The following OXR1 variants were observed in gnomAD, a reference collection of about 807,000 sequenced individuals.
OXR1 encodes the protein oxidation resistance 1, also known as oxidation resistance protein 1.
OXR1 carries 41 observed loss-of-function variants against 104.6 expected under a neutral mutation model. That is an observed-to-expected ratio of 0.39 (90% CI 0.31 to 0.51). The LOEUF (loss-of-function observed/expected upper bound fraction) is 0.51. OXR1 is among the 20% of genes least tolerant of loss of function. The pLI, the probability that OXR1 is intolerant of heterozygous loss-of-function variation, is 0.77. For missense variants in OXR1, 955 were observed against 1,031.9 expected (o/e 0.93, Z 1.02); for synonymous variants, 348 against 348.4 (o/e 1.00, Z 0.01).
At chr8:106,660,811 G>A (rs1235088708) in intron 3 of OXR1, among the ~76,000 whole-genome samples, 2 of 152,078 alleles carry the variant, frequency 1.3e-5, no homozygotes, top group South Asian at 2.1e-4. Context: ...TCAGGAGTTC[G>A]AGACCAGCCT....
chr8:106,422,831 A>G (rs1818961369), intron 2 of OXR1, among the ~76,000 whole-genome samples: 1 of 152,156 alleles, frequency 6.6e-6, no homozygotes, highest in Non-Finnish European at 1.5e-5. Context: ...CATGAAAGCC[A>G]ATGCTCTTCA....
At chr8:106,719,959 C>G (rs1368228454) in intron 11 of OXR1, among the ~76,000 whole-genome samples, 1 of 152,104 alleles carries the variant, frequency 6.6e-6, no homozygotes, top group Non-Finnish European at 1.5e-5. Flanking sequence ...GCGCCCGCCA[C>G]CACGCCCGGC....
intron 2 of OXR1, among the ~76,000 whole-genome samples, chr8:106,386,073 GC>G (rs1817359127): frequency 7.4e-6 from 1 of 135,016 alleles, no homozygotes; most frequent in African/African-American, 3.9e-5. Context: ...TGAGCAGTGG[GC>G]AGCAGCAGCA....
intron 2 of OXR1, among the ~76,000 whole-genome samples, chr8:106,510,648 G>T (rs372246447): frequency 1.3e-5 from 2 of 152,016 alleles, no homozygotes. Flanking sequence ...CTTTATACTG[G>T]CCTAGCCCTT....
chr8:106,545,206 C>T (rs570842063), intron 3 of OXR1, among the ~76,000 whole-genome samples: 7 of 151,930 alleles, frequency 4.6e-5, no homozygotes, highest in South Asian at 4.2e-4. Context: ...TAGACACTGC[C>T]GTATAATACA....
At chr8:106,579,219 G>A (rs756212740) in intron 3 of OXR1, among the ~76,000 whole-genome samples, 2 of 152,036 alleles carry the variant, frequency 1.3e-5, no homozygotes, top group Non-Finnish European at 2.9e-5. Flanking sequence ...ATTTATGGCT[G>A]TAGTTGGTTG....
At chr8:106,418,076 C>T (rs544011496) in intron 2 of OXR1, among the ~76,000 whole-genome samples, 1 of 152,056 alleles carries the variant, frequency 6.6e-6, no homozygotes, top group African/African-American at 2.4e-5. Flanking sequence ...TCTTAAATTT[C>T]AACTTTTGAC....
intron 16 of OXR1, among the ~76,000 whole-genome samples, chr8:106,746,730 C>A (rs1036719832): frequency 5.9e-5 from 9 of 152,182 alleles, no homozygotes; most frequent in South Asian, 2.1e-4. Context: ...GTTATTGTAG[C>A]CTTCTCTGTT....
chr8:106,694,952 T>G (rs985633314), intron 7 of OXR1, among the ~76,000 whole-genome samples: 3 of 138,774 alleles, frequency 2.2e-5, no homozygotes, highest in Non-Finnish European at 3.1e-5. Flanking sequence ...TATAAAATAT[T>G]TATATATATT....
At chr8:106,328,977 G>A (rs942005608) in intron 1 of OXR1, among the ~76,000 whole-genome samples, 3 of 152,004 alleles carry the variant, frequency 2.0e-5, no homozygotes, top group Admixed American at 2.0e-4. Flanking sequence ...GGGGTCAGGA[G>A]CTCAACTTGG....
intron 3 of OXR1, among the ~76,000 whole-genome samples, chr8:106,600,671 T>G (rs187723078): frequency 6.6e-6 from 1 of 152,362 alleles, no homozygotes; most frequent in East Asian, 1.9e-4. Context: ...TATAATGCTT[T>G]GTTTCATGGA....
intron 2 of OXR1, among the ~76,000 whole-genome samples, chr8:106,399,013 T>C (rs1817897683): frequency 6.6e-6 from 1 of 152,136 alleles, no homozygotes; most frequent in African/African-American, 2.4e-5. Flanking sequence ...GAATACTAAA[T>C]CTTTTACTTT....
At chr8:106,498,681 A>G (rs1407945245) in intron 2 of OXR1, among the ~76,000 whole-genome samples, 1 of 152,060 alleles carries the variant, frequency 6.6e-6, no homozygotes, top group Non-Finnish European at 1.5e-5. Flanking sequence ...TTGTAAGTGC[A>G]TGTGTGTGCA....
intron 1 of OXR1, among the ~76,000 whole-genome samples, chr8:106,338,895 A>G (rs1411733996): frequency 2.0e-5 from 3 of 151,668 alleles, no homozygotes; most frequent in Non-Finnish European, 4.4e-5. Flanking sequence ...TCTTTAATTT[A>G]CCCTCTGGTC....
intron 5 of OXR1, among the ~76,000 whole-genome samples, chr8:106,683,792 T>C (rs1375531034): frequency 1.3e-5 from 2 of 152,218 alleles, no homozygotes; most frequent in African/African-American, 2.4e-5. Context: ...TGGTATTACA[T>C]TGTATTGATA....
intron 3 of OXR1, among the ~76,000 whole-genome samples, chr8:106,603,830 A>G (rs1181394100): frequency 6.6e-6 from 1 of 152,080 alleles, no homozygotes; most frequent in African/African-American, 2.4e-5. Context: ...AGGCGGGTGG[A>G]TCACTTGAGG....
Position 106,750,865 on chromosome 8 carries a change from A to T in OXR1, c.2546A>T (p.Lys849Ile). ...DLYHGRSHSC[K>I]TFGNRTLSKK... The stretch of plus-strand genomic sequence containing the variant: ...TACCATGGAAGAAGCCATTCTTGTA[A>T]AACGTTTGGGAATCGTACACTTTCT... The change falls in exon 17 of 17, where the codon AAA (lysine) becomes ATA (isoleucine). Residue 849 changes from lysine to isoleucine, a missense_variant. Lys to Ile is a moderately radical substitution (Grantham distance 102). Transcript: ENST00000517566. 1 of 1,610,046 alleles carries T rather than the reference A, an allele frequency of 6.2e-7. No individual in the cohort carries two copies. The highest frequency in any genetic ancestry group is 8.5e-7 in the Non-Finnish European group (1 of 1,177,138).
At chr8:106,371,588 G>A (rs906951304) in intron 2 of OXR1, among the ~76,000 whole-genome samples, 3 of 152,130 alleles carry the variant, frequency 2.0e-5, no homozygotes, top group Admixed American at 6.6e-5. Flanking sequence ...ATTCTGCTAC[G>A]TTGTCTCTTT....
chr8:106,557,534 G>GT (rs1299176571), intron 3 of OXR1, among the ~76,000 whole-genome samples: 8 of 141,088 alleles, frequency 5.7e-5, no homozygotes, highest in East Asian at 2.0e-4. Context: ...TAAAACTACT[G>GT]TTTTTTAGAA....
Sources: allele counts gnomAD v4.1 joint callset (sites outside exome capture counted in the v4.1 genomes callset), GRCh38; gene constraint gnomAD v4.1.1; transcripts MANE v1.5; gene names NCBI Gene and HGNC (gene_info 2026-07-23, HGNC 2026-07-21).